The following BNIP2 variants were observed in gnomAD, a reference collection of about 807,000 sequenced individuals.
BNIP2 encodes the protein BCL2 interacting protein 2.
BNIP2 carries 36 observed loss-of-function variants against 43.4 expected under a neutral mutation model. The ratio of observed to expected loss-of-function variants is 0.83; its 90% CI spans 0.64 to 1.10. The LOEUF (loss-of-function observed/expected upper bound fraction) is 1.10, where lower values mean the gene tolerates loss of function less well. Among genes scored for constraint, BNIP2 ranks in the 50% least tolerant of loss-of-function variants. The pLI is 0.00. For synonymous variants in BNIP2, 146 were observed against 121.0 expected (o/e 1.21, Z -1.35); for missense variants, 417 against 374.1 (o/e 1.11, Z -0.95).
At position 59,673,122 on chromosome 15, in the gene BNIP2, C is replaced by CT. The variant is rs35137131; in HGVS notation, c.473-384dup. On this transcript the variant is annotated intron_variant, in intron 5 of 9. Coordinates refer to ENST00000607373, the MANE Select transcript of BNIP2 (RefSeq NM_004330.4). ...ATGATGCTTATGGTTAAAGTGGGTG[C>CT]TTTTTTTTTTTTTTTAGATGGAGTC... Among the ~76,000 whole-genome samples, 102 of 142,580 alleles carry CT rather than the reference C, an allele frequency of 7.2e-4. 1 individual carries two copies. The highest frequency in any genetic ancestry group is 9.7e-4 in the Admixed American group (14 of 14,368). 93.5% of individuals were successfully genotyped at this position (142,580 alleles called of 152,430 possible).
At chr15:59,688,591 AG>A (rs1894172444) in intron 1 of BNIP2, 4 of 990,252 alleles carry the variant, frequency 4.0e-6, no homozygotes. Flanking sequence ...TTAAACAGAA[AG>A]GGTTGTGTCT....
Position 59,689,240 on chromosome 15 carries a change from T to C in BNIP2, c.-163A>G. On this transcript the variant is annotated 5_prime_UTR_variant, in exon 1 of 10. Coordinates refer to ENST00000607373, the MANE Select transcript of BNIP2 (RefSeq NM_004330.4). ...CAGGGCCGAGCGGAGCCCGCTCCCC[T>C]CGGTCGGCGGTGGAGACCCCGGCCC... 1.3e-6 allele frequency: 2 copies of C among 1,542,472 alleles called. No homozygotes were observed. Among genetic ancestry groups the C allele is most frequent in the Non-Finnish European group, 1.7e-6 (2 of 1,146,170 alleles).
intron 9 of BNIP2, 69 bp downstream of exon 9, chr15:59,668,823 A>G (rs1892723957): frequency 7.7e-7 from 1 of 1,299,758 alleles, no homozygotes; most frequent in Non-Finnish European, 1.1e-6. Context: ...ATGAGTATTG[A>G]AAAGTATTAT....
At chr15:59,678,560 T>C (rs1334731476) in intron 4 of BNIP2, 1 of 1,101,160 alleles carries the variant, frequency 9.1e-7, no homozygotes, top group Non-Finnish European at 1.1e-6. Context: ...TCACTTCTCA[T>C]TTGATCAGTT....
intron 9 of BNIP2, chr15:59,668,235 A>G: frequency 1.4e-6 from 1 of 703,406 alleles, no homozygotes; most frequent in Non-Finnish European, 2.1e-6. Context: ...TAAATTTTCC[A>G]GCAAAACCAA....
In BNIP2 at chr15:59,682,356, G is replaced by A. The variant is rs6151484; in HGVS notation, c.50+52C>T. 56 of 1,477,364 alleles carry A rather than the reference G, an allele frequency of 3.8e-5. No individual in the cohort carries two copies. The African/African-American group carries it at 6.7e-4, about 18-fold the overall frequency. The allele number at this position is 1,477,364 out of a possible 1,614,324, so 91.5% of individuals were successfully genotyped here. ...AAAAAAAAAGTAACATCTCGATAAAGAAATTTTGAACTTTTGCTCTAAAAT... is the reference window on the plus strand; with the variant it reads ...AAAAAAAAAGTAACATCTCGATAAAAAAATTTTGAACTTTTGCTCTAAAAT... On this transcript the variant is annotated intron_variant, in intron 2 of 9. Transcript: ENST00000607373.
rs146366623 is a variant in BNIP2 at position 59,678,542 on chromosome 15, C to T, written c.296-455G>A. 1.4e-5 allele frequency: 15 copies of T among 1,078,382 alleles called. No individual in the cohort carries two copies. In the East Asian group the frequency reaches 1.0e-3, roughly 72 times the overall value. 66.8% of individuals were successfully genotyped at this position (1,078,382 alleles called of 1,614,324 possible). ...ATACCAGATAGGAAGTGGTTAACTA[C>T]TCAATGATCACTTCTCATTTGATCA... On this transcript the variant is annotated intron_variant, in intron 4 of 9. Transcript: ENST00000607373.
chr15:59,688,614 G>A (rs1430155217), intron 1 of BNIP2: 8 of 1,233,266 alleles, frequency 6.5e-6, no homozygotes, highest in Non-Finnish European at 8.0e-6. Flanking sequence ...GATTCACGCG[G>A]GGACTCGGCT....
rs1383336409 is a variant in BNIP2, at chr15:59,689,098, G to A, written c.-58+37C>T. 7 of 1,523,818 alleles carry A rather than the reference G, an allele frequency of 4.6e-6. No individual in the cohort carries two copies. The South Asian group carries it at 6.1e-5, about 13-fold the overall frequency. The allele number at this position is 1,523,818 out of a possible 1,614,324, so 94.4% of individuals were successfully genotyped here. A position where few individuals can be genotyped will look rare whatever the true frequency, so the allele number is the denominator to read the frequency against. Reference sequence around the variant, plus strand: ...CTAGGCCGGTTCCCAGTCCAGCTCCGGAGCCACCGTGCCGAGTTCTCCCAG... The same window carrying A: ...CTAGGCCGGTTCCCAGTCCAGCTCCAGAGCCACCGTGCCGAGTTCTCCCAG... On this transcript the variant is annotated intron_variant, in intron 1 of 9. Coordinates refer to ENST00000607373, the MANE Select transcript of BNIP2 (RefSeq NM_004330.4).
chr15:59,686,564 A>C (rs1365735395), intron 1 of BNIP2, among the ~76,000 whole-genome samples: 1 of 152,168 alleles, frequency 6.6e-6, no homozygotes, highest in Non-Finnish European at 1.5e-5. Context: ...TCCCCATTTA[A>C]ACAAAAAGGT....
rs540353754 is a variant in BNIP2, at chr15:59,665,916, C to G, written c.894-1796G>C. On this transcript the variant is annotated intron_variant, in intron 9 of 9. Coordinates refer to ENST00000607373, the MANE Select transcript of BNIP2 (RefSeq NM_004330.4). ...GTGAAACAGACCTAAAAGCCCTGGT[C>G]TGTGGTAAAGCCAAAGTAACATTTT... is the stretch of plus-strand genomic sequence containing the variant. Among the ~76,000 whole-genome samples the G allele has an allele frequency of 2.0e-5, 3 of 152,154 alleles. No individual in the cohort carries two copies. In the South Asian group the frequency reaches 6.2e-4, roughly 32 times the overall value.
intron 5 of BNIP2, among the ~76,000 whole-genome samples, chr15:59,676,014 T>C (rs6151532): frequency 0.33 from 49,978 of 152,030 alleles, 8,545 homozygotes; most frequent in East Asian, 0.54. Flanking sequence ...TCTACATTTT[T>C]AGGGGTATGG....
chr15:59,678,143 A>C (rs1566971825), intron 4 of BNIP2, 56 bp from the exon 5 acceptor site: 3 of 1,531,208 alleles, frequency 2.0e-6, no homozygotes, highest in Non-Finnish European at 2.6e-6. Flanking sequence ...AAATCAAATT[A>C]TACGTTAACC....
intron 5 of BNIP2, 126 bp from the exon 6 acceptor site, chr15:59,672,865 A>G: frequency 1.6e-6 from 1 of 625,362 alleles, no homozygotes; most frequent in Admixed American, 3.2e-5. Flanking sequence ...TATTAAATGT[A>G]TGTTTTGTAA....
chr15:59,689,320 T>G lies in BNIP2; in HGVS notation c.-243A>C, dbSNP rs990625968. The G allele has an allele frequency of 6.5e-6, 10 of 1,547,432 alleles. No individual in the cohort carries two copies. The highest frequency in any genetic ancestry group is 5.5e-5 in the African/African-American group (4 of 72,832). ...GCGGCAGCAGCTGACCCGGACACAG[T>G]GAGAAGCCCCGGCGGAAGTGATAAC... On this transcript the variant is annotated 5_prime_UTR_variant, in exon 1 of 10. Transcript: ENST00000607373.
At chr15:59,685,948 A>ATT (rs562934903) in intron 1 of BNIP2, among the ~76,000 whole-genome samples, 38 of 151,392 alleles carry the variant, frequency 2.5e-4, no homozygotes, top group Non-Finnish European at 5.0e-4. Context: ...TTGTTCATGT[A>ATT]TTTTTTTTTG....
chr15:59,683,371 G>A (rs1005129181), intron 1 of BNIP2, among the ~76,000 whole-genome samples: 2 of 152,196 alleles, frequency 1.3e-5, no homozygotes, highest in Admixed American at 6.5e-5. Flanking sequence ...AGGTATACAC[G>A]AGTATTTAGT....
intron 1 of BNIP2, 109 bp from the exon 2 acceptor site, chr15:59,682,623 C>T: frequency 1.0e-5 from 8 of 794,076 alleles, no homozygotes; most frequent in East Asian, 6.2e-5. Context: ...GTACAATGGT[C>T]TGGTCATGAA....
chr15:59,669,240 A>T (rs1286748012), intron 8 of BNIP2, 36 bp downstream of exon 8: 3 of 1,408,626 alleles, frequency 2.1e-6, no homozygotes, highest in African/African-American at 1.5e-5. Flanking sequence ...ATAAATAAAA[A>T]AAATAAAATT....
Sources: allele counts gnomAD v4.1 joint callset (sites outside exome capture counted in the v4.1 genomes callset), GRCh38; gene constraint gnomAD v4.1.1; transcripts MANE v1.5; gene names NCBI Gene and HGNC (gene_info 2026-07-23, HGNC 2026-07-21).